KDM3B: variants seen among roughly 807,000 people sequenced by gnomAD.
The protein encoded by KDM3B is lysine-specific demethylase 3B.
In KDM3B, 10 loss-of-function variants were observed where a neutral mutation model predicts 170.0. The ratio of observed to expected loss-of-function variants is 0.06; its 90% CI spans 0.04 to 0.10. KDM3B has a LOEUF of 0.10. Among genes scored for constraint, KDM3B ranks in the 10% least tolerant of loss-of-function variants. The pLI is 1.00. For missense variants in KDM3B, 1,394 were observed against 2,195.2 expected, an observed-to-expected ratio of 0.64 and a Z score of 7.29; for synonymous variants, 831 against 834.8, an observed-to-expected ratio of 1.00 and a Z score of 0.08.
intron 23 of KDM3B, among the ~76,000 whole-genome samples, chr5:138,433,361 C>T (rs1344445666): frequency 5.9e-5 from 9 of 151,418 alleles, no homozygotes; most frequent in Admixed American, 5.9e-4. Context: ...ATCCACCCGC[C>T]CTCGGCCTCC....
intron 11 of KDM3B, among the ~76,000 whole-genome samples, chr5:138,414,886 G>C (rs1412174726): frequency 6.6e-6 from 1 of 152,344 alleles, no homozygotes; most frequent in Admixed American, 6.5e-5. Context: ...GAGCCAGAGA[G>C]GCGGAGGTTG....
rs770526266 is a variant in KDM3B, at chr5:138,398,241, C to A, written c.2895C>A (p.Asp965Glu). Residue 965 changes from aspartate (D) to glutamate (E), a missense_variant, in exon 10 of 24, where the codon GAC (aspartate) becomes GAA (glutamate). Asp to Glu is a conservative substitution (Grantham distance 45). This residue lies in a region of KDM3B where 76 missense variants were observed against 190.2 expected (regional missense o/e 0.40). Transcript: ENST00000314358. ...GGTTTTTAAGCCCCCAGCAAAGTGA[C>A]CCTGATGCCATGAACCTGTGGATTC... ...VEGFLSPQQS[D>E]PDAMNLWIPS... 3.7e-6 allele frequency: 6 copies of A among 1,613,986 alleles called. No homozygotes were observed. Among genetic ancestry groups the A allele is most frequent in the Non-Finnish European group, 5.1e-6 (6 of 1,180,008 alleles).
intron 22 of KDM3B, 74 bp downstream of exon 22, chr5:138,430,499 C>A: frequency 1.5e-6 from 2 of 1,374,800 alleles, no homozygotes; most frequent in Non-Finnish European, 2.0e-6. Flanking sequence ...GCTAATCTAC[C>A]AAGAGATTTA....
At chr5:138,364,208 C>T (rs1210262907) in intron 1 of KDM3B, among the ~76,000 whole-genome samples, 4 of 152,024 alleles carry the variant, frequency 2.6e-5, no homozygotes, top group Admixed American at 6.6e-5. Flanking sequence ...TGTAAGCCAG[C>T]GCACCCAGCC....
In KDM3B at chr5:138,407,402, G is replaced by A. The variant is rs532564706; in HGVS notation, c.3199+7390G>A. 7.0e-4 allele frequency among the ~76,000 whole-genome samples: 106 copies of A among 152,122 alleles called. 1 individual carries two copies. Among genetic ancestry groups the A allele is most frequent in the African/African-American group, 2.5e-3 (103 of 41,508 alleles). ...TAAATAACTTTACATTAAGAACTTG[G>A]TCTTTTCCTCTTGGAAGCCCCCTCT... On this transcript the variant is annotated intron_variant, in intron 11 of 23. Transcript: ENST00000314358.
chr5:138,356,218 G>A (rs1335944317), intron 1 of KDM3B, among the ~76,000 whole-genome samples: 3 of 152,122 alleles, frequency 2.0e-5, no homozygotes, highest in Non-Finnish European at 4.4e-5. Context: ...TGTAATCCAG[G>A]TTTTATTTCT....
At chr5:138,376,975 G>T (rs147301605) in intron 3 of KDM3B, among the ~76,000 whole-genome samples, 1 of 152,332 alleles carries the variant, frequency 6.6e-6, no homozygotes, top group Non-Finnish European at 1.5e-5. Flanking sequence ...GGAGACTCCT[G>T]AGTTTTACTG....
Position 138,392,237 on chromosome 5 carries a change from C to A in KDM3B, c.2605C>A (p.Arg869=). 3 of 1,496,380 alleles carry A rather than the reference C, an allele frequency of 2.0e-6. No individual in the cohort carries two copies. Among genetic ancestry groups the A allele is most frequent in the Non-Finnish European group, 1.8e-6 (2 of 1,121,352 alleles). The allele number at this position is 1,496,380 out of a possible 1,614,324, so 92.7% of individuals were successfully genotyped here. The change falls in exon 8 of 24, where the codon CGG becomes AGG. Residue 869 remains arginine (R), a synonymous_variant. Transcript: ENST00000314358. The part of the protein sequence containing the change: ...KSKGKQAPKG[R]PRTAPLKVGQ... ...CAAAGGGAAGCAGGCCCCCAAGGGC[C>A]GGCCTCGGACTGCCCCCCTGAAAGG...
Position 138,423,953 on chromosome 5 carries a change from A to AT in KDM3B, c.3973-117dup, listed in dbSNP as rs1039489983. The AT allele has an allele frequency of 3.3e-6, 3 of 902,282 alleles. No homozygotes were observed. In the African/African-American group the frequency reaches 5.0e-5, roughly 15 times the overall value. 55.9% of individuals were successfully genotyped at this position (902,282 alleles called of 1,614,324 possible). ...TCCAGTTGTAAAAGACATTTTAATA[A>AT]TTTTTGTAGAATTTAATCAGACAGG... On this transcript the variant is annotated intron_variant, in intron 15 of 23. Transcript: ENST00000314358.
chr5:138,385,313 C>T (rs564720336), intron 6 of KDM3B, among the ~76,000 whole-genome samples: 9 of 152,256 alleles, frequency 5.9e-5, no homozygotes, highest in African/African-American at 2.2e-4. Context: ...TGAGCCAACA[C>T]GCCAGGCCTC....
At chr5:138,425,163 C>T (rs1379754632) in intron 16 of KDM3B, among the ~76,000 whole-genome samples, 1 of 152,162 alleles carries the variant, frequency 6.6e-6, no homozygotes, top group African/African-American at 2.4e-5. Flanking sequence ...CACCTTAAAA[C>T]AATGGTAGGT....
At chr5:138,393,659 A>G (rs563488377) in intron 9 of KDM3B, among the ~76,000 whole-genome samples, 10 of 152,324 alleles carry the variant, frequency 6.6e-5, no homozygotes, top group African/African-American at 2.4e-4. Flanking sequence ...ATTTGAAACC[A>G]CTATTATAAG....
intron 6 of KDM3B, among the ~76,000 whole-genome samples, chr5:138,383,325 G>C (rs1165903387): frequency 6.6e-6 from 1 of 151,984 alleles, no homozygotes; most frequent in African/African-American, 2.4e-5. Flanking sequence ...TTTTAGTAGA[G>C]ACAGGGTTTC....
At position 138,420,854 on chromosome 5, in the gene KDM3B, C is replaced by G. The variant is rs772483803; in HGVS notation, c.3864C>G (p.Thr1288=). 4.3e-6 allele frequency: 7 copies of G among 1,614,020 alleles called. No homozygotes were observed. The highest frequency in any genetic ancestry group is 5.1e-6 in the Non-Finnish European group (6 of 1,180,038). The part of the protein sequence containing the change: ...LLGPTASNNK[T]EGSSLRDLLH... ...GTCCCACTGCCTCCAACAACAAAAC[C>G]GAAGGGTCTAGCCTTCGAGACCTCC... Residue 1288 remains threonine (T), a synonymous_variant, in exon 15 of 24, where the codon ACC becomes ACG. Coordinates refer to ENST00000314358, the MANE Select transcript of KDM3B (RefSeq NM_016604.4).
Position 138,391,850 on chromosome 5 carries a change from A to T in KDM3B, c.2218A>T (p.Thr740Ser). 1 of 1,613,808 alleles carries T rather than the reference A, an allele frequency of 6.2e-7. No homozygotes were observed. Among genetic ancestry groups the T allele is most frequent in the South Asian group, 1.1e-5 (1 of 91,046 alleles). The change falls in exon 8 of 24, where the codon ACT becomes TCT. Residue 740 changes from threonine (T) to serine (S), a missense_variant. Physicochemically the swap from Thr to Ser is moderately conservative, Grantham distance 58. Transcript: ENST00000314358. The surrounding 1 kb of genome is among the most constrained non-coding windows in gnomAD (Gnocchi z 5.0). ...CCTCACTCAGCCCATTGAGATGCCAACTCTCTCCTCTAGCCCCACAGAGGA... is the reference window on the plus strand; with the variant it reads ...CCTCACTCAGCCCATTGAGATGCCATCTCTCTCCTCTAGCCCCACAGAGGA... ...SSLTQPIEMP[T>S]LSSSPTEERP...
intron 1 of KDM3B, among the ~76,000 whole-genome samples, chr5:138,362,569 CACACACACACACACACAA>C (rs1040723892): frequency 3.1e-5 from 4 of 127,584 alleles, no homozygotes; most frequent in Non-Finnish European, 5.4e-5. Context: ...CACACACACA[CACACACACACACACACAA>C]AATATCTTAA....
intron 11 of KDM3B, among the ~76,000 whole-genome samples, chr5:138,408,312 A>G (rs1033252936): frequency 1.4e-4 from 21 of 151,678 alleles, no homozygotes; most frequent in African/African-American, 4.8e-4. Flanking sequence ...CTCTCTCACG[A>G]GAGAGAGCTG....
At chr5:138,405,848 A>G (rs986565903) in intron 11 of KDM3B, among the ~76,000 whole-genome samples, 13 of 152,256 alleles carry the variant, frequency 8.5e-5, no homozygotes, top group African/African-American at 2.7e-4. Flanking sequence ...CTGGAAGTAT[A>G]GTTTTGTAAG....
intron 9 of KDM3B, among the ~76,000 whole-genome samples, chr5:138,396,301 T>C (rs1041205842): frequency 1.4e-4 from 22 of 151,986 alleles, no homozygotes; most frequent in African/African-American, 5.3e-4. Context: ...TTCACCGTGT[T>C]AGCCAGGATG....
Sources: allele counts gnomAD v4.1 joint callset (sites outside exome capture counted in the v4.1 genomes callset), GRCh38; gene constraint gnomAD v4.1.1; regional missense constraint gnomAD v4.1.1; non-coding constraint Gnocchi (gnomAD v3.1); transcripts MANE v1.5; gene names NCBI Gene and HGNC (gene_info 2026-07-23, HGNC 2026-07-21).